NMRAL1: variants seen among roughly 807,000 people sequenced by gnomAD.
NMRAL1 encodes the protein nmrA-like family domain-containing protein 1.
A neutral mutation model predicts 27.5 loss-of-function variants in NMRAL1; 32 were observed. That is an observed-to-expected ratio of 1.16 (90% CI 0.88 to 1.56). The LOEUF (loss-of-function observed/expected upper bound fraction) is 1.56, where lower values mean the gene tolerates loss of function less well. Ranked by LOEUF, NMRAL1 falls within the 40% of genes most tolerant of loss-of-function variation. The pLI, the probability that NMRAL1 is intolerant of heterozygous loss-of-function variation, is 0.00. For missense variants in NMRAL1, 420 were observed against 392.0 expected, an observed-to-expected ratio of 1.07 and a Z score of -0.60; for synonymous variants, 166 against 166.8, an observed-to-expected ratio of 1.00 and a Z score of 0.04.
At chr16:4,469,866 T>TA (rs776897364) in intron 2 of NMRAL1, among the ~76,000 whole-genome samples, 10,274 of 97,624 alleles carry the variant, frequency 0.11, 726 homozygotes, top group African/African-American at 0.23. Context: ...GAATCTGTAT[T>TA]AAAAAAAAAA....
Position 4,469,345 on chromosome 16 carries a change from A to G in NMRAL1, c.161T>C (p.Val54Ala), listed in dbSNP as rs756530459. 1.7e-5 allele frequency: 27 copies of G among 1,613,942 alleles called. No individual in the cohort carries two copies. The highest frequency in any genetic ancestry group is 2.2e-5 in the Non-Finnish European group (26 of 1,179,938). The change falls in exon 3 of 6, where the codon GTA (valine) becomes GCA (alanine). Residue 54 changes from valine to alanine, a missense_variant. By Grantham distance (64) the Val-to-Ala change is moderately conservative. Coordinates refer to ENST00000283429, the MANE Select transcript of NMRAL1 (RefSeq NM_020677.6). ...AKELRLQGAE[V>A]VQGDQDDQVI... ...CTGGTCATCTTGGTCTCCCTGCACT[A>G]CTTCTGCACCTTGCAGCCTCAGCTC...
intron 2 of NMRAL1, chr16:4,471,383 G>A (rs2057558443): frequency 6.6e-6 from 1 of 151,984 alleles, no homozygotes; most frequent in Admixed American, 6.6e-5. Context: ...TTGGGAGGCT[G>A]AGGCACGCAG....
chr16:4,463,281 G>A (rs762606085), intron 5 of NMRAL1: 86 of 284,596 alleles, frequency 3.0e-4, no homozygotes, highest in Non-Finnish European at 4.6e-4. Flanking sequence ...GGCAGGGGTC[G>A]GCCCTATCTT....
intron 3 of NMRAL1, among the ~76,000 whole-genome samples, chr16:4,467,830 G>A (rs528377210): frequency 2.6e-5 from 4 of 151,832 alleles, no homozygotes; most frequent in East Asian, 2.0e-4. Flanking sequence ...GTGTTGGCCA[G>A]GATGGTCTCA....
upstream of NMRAL1, chr16:4,476,170 C>G (rs917604154): frequency 2.0e-5 from 3 of 152,282 alleles, no homozygotes; most frequent in African/African-American, 7.2e-5. Context: ...GTGCTCAACC[C>G]TGAGGCACCC....
Position 4,469,414 on chromosome 16 carries a change from T to G in NMRAL1, c.92A>C (p.Lys31Thr), listed in dbSNP as rs373098518. 1.9e-6 allele frequency: 3 copies of G among 1,614,014 alleles called. No individual in the cohort carries two copies. In the African/African-American group the frequency reaches 4.0e-5, roughly 22 times the overall value. ...AGGGTTTCGGGTCACCACTCGAACC[T>G]TGAATGTCCCATCTTCCAGGAGTGT... ...ARTLLEDGTF[K>T]VRVVTRNPRK... Residue 31 changes from lysine to threonine, a missense_variant, in exon 3 of 6, where the codon AAG becomes ACG. Coordinates refer to ENST00000283429, the MANE Select transcript of NMRAL1 (RefSeq NM_020677.6).
rs143432200 is a variant in NMRAL1, at chr16:4,466,255, T to A, written c.427A>T (p.Ile143Phe). The change falls in exon 4 of 6, where the codon ATT becomes TTT. Residue 143 changes from isoleucine (I) to phenylalanine (F), a missense_variant. By Grantham distance (21) the Ile-to-Phe change is conservative. Transcript: ENST00000283429. ...CGCACACTGGTCATGGGAACGCCAA[T>A]GTCCCGGAAATATTCCTCCACCTCC... ...KGEVEEYFRDIGVPMTSVRLP... is the reference protein window; with the variant it reads ...KGEVEEYFRDFGVPMTSVRLP... The A allele has an allele frequency of 9.3e-6, 15 of 1,613,996 alleles. No homozygotes were observed. The African/African-American group carries it at 1.7e-4, about 19-fold the overall frequency.
Position 4,466,272 on chromosome 16 carries a change from T to C in NMRAL1, c.410A>G (p.Glu137Gly). 6.2e-7 allele frequency: 1 copy of C among 1,614,050 alleles called. No homozygotes were observed. Among genetic ancestry groups the C allele is most frequent in the Non-Finnish European group, 8.5e-7 (1 of 1,180,028 alleles). The part of the protein sequence containing the change: ...AAHFDGKGEV[E>G]EYFRDIGVPM... ...AACGCCAATGTCCCGGAAATATTCC[T>C]CCACCTCCCCTTTGCCGTCAAAGTG... Residue 137 changes from glutamate to glycine, a missense_variant, in exon 4 of 6, where the codon GAG (glutamate) becomes GGG (glycine). Transcript: ENST00000283429.
intron 2 of NMRAL1, among the ~76,000 whole-genome samples, chr16:4,470,743 C>G (rs960479389): frequency 2.6e-5 from 4 of 151,792 alleles, no homozygotes; most frequent in Admixed American, 1.3e-4. Flanking sequence ...GTCAGGAGAT[C>G]GAGACCATCC....
intron 3 of NMRAL1, among the ~76,000 whole-genome samples, chr16:4,468,621 A>C (rs1391611436): frequency 4.1e-5 from 1 of 24,556 alleles, no homozygotes; most frequent in Non-Finnish European, 2.0e-4. Context: ...GTCTCAAAAA[A>C]AAAAAAAAAA....
chr16:4,469,646 A>G lies in NMRAL1; in HGVS notation c.41-181T>C, dbSNP rs746065195. ...TTTTTTTGAGATGGAGTCTCACTCTATCACCCAGGCTGAAGTGCAGTGGCA... is the reference window on the plus strand; with the variant it reads ...TTTTTTTGAGATGGAGTCTCACTCTGTCACCCAGGCTGAAGTGCAGTGGCA... On this transcript the variant is annotated intron_variant, in intron 2 of 5. Transcript: ENST00000283429. 112 of 1,288,888 alleles carry G rather than the reference A, an allele frequency of 8.7e-5. 1 individual carries two copies. The highest frequency in any genetic ancestry group is 1.1e-4 in the South Asian group (7 of 63,650). The allele number at this position is 1,288,888 out of a possible 1,614,324, so 79.8% of individuals were successfully genotyped here. A position where few individuals can be genotyped will look rare whatever the true frequency, so the allele number is the denominator to read the frequency against.
At chr16:4,462,108 T>G in intron 5 of NMRAL1, 149 bp from the exon 6 acceptor site, 2 of 652,418 alleles carry the variant, frequency 3.1e-6, no homozygotes, top group Admixed American at 5.8e-5. Flanking sequence ...CCGTACAAGG[T>G]CATTTGAAAA....
In NMRAL1 at chr16:4,466,385, A is replaced by C. The variant is rs138297332; in HGVS notation, c.297T>G (p.Asp99Glu). The change falls in exon 4 of 6, where the codon GAT (aspartate) becomes GAG (glutamate). Residue 99 changes from aspartate (D) to glutamate (E), a missense_variant. Asp to Glu is a conservative substitution (Grantham distance 45). Coordinates refer to ENST00000283429, the MANE Select transcript of NMRAL1 (RefSeq NM_020677.6). ...QEVKQGKLLA[D>E]LARRLGLHYV... ...AGTGGAGGCCCAGGCGCCTGGCCAG[A>C]TCAGCGAGCAGCTTCCCCTGGAGGG... is the stretch of plus-strand genomic sequence containing the variant. 27 of 1,612,428 alleles carry C rather than the reference A, an allele frequency of 1.7e-5. No individual in the cohort carries two copies. Among genetic ancestry groups the C allele is most frequent in the Non-Finnish European group, 2.3e-5 (27 of 1,179,782 alleles).
Position 4,463,721 on chromosome 16 carries a change from G to GTGTGCC in NMRAL1, c.653_658dup (p.Arg218_His219dup). 1 of 1,614,034 alleles carries GTGTGCC rather than the reference G, an allele frequency of 6.2e-7. No individual in the cohort carries two copies. On this transcript the variant is annotated inframe_insertion, in exon 5 of 6. Transcript: ENST00000283429. ...GAGCAGGGCAGCGTACTCCTCGGCC[G>GTGTGCC]TGTGCCTGCAAGTGCTCAGCCCGAT...
chr16:4,472,617 G>A (rs1319291847), intron 2 of NMRAL1, among the ~76,000 whole-genome samples: 2 of 151,628 alleles, frequency 1.3e-5, no homozygotes, highest in African/African-American at 4.9e-5. Context: ...GGTGGCTCAC[G>A]CCTGTAGTCC....
At chr16:4,468,831 C>G (rs1260273124) in intron 3 of NMRAL1, among the ~76,000 whole-genome samples, 1 of 151,844 alleles carries the variant, frequency 6.6e-6, no homozygotes, top group African/African-American at 2.4e-5. Flanking sequence ...GGTACTGTGC[C>G]CACTACCTGG....
intron 2 of NMRAL1, chr16:4,469,814 C>A: frequency 4.0e-6 from 1 of 250,964 alleles, no homozygotes; most frequent in Admixed American, 5.0e-5. Context: ...TTGCAGTGAG[C>A]TGAGATTGCG....
chr16:4,466,542 C>T lies in NMRAL1; in HGVS notation c.280-140G>A, dbSNP rs2057337043. 5 of 749,624 alleles carry T rather than the reference C, an allele frequency of 6.7e-6. No homozygotes were observed. The South Asian group carries it at 9.0e-5, about 13-fold the overall frequency. 46.4% of individuals were successfully genotyped at this position (749,624 alleles called of 1,614,324 possible). ...CCCCACTTACCCTTGAGGAGGCCCCCTCTCCTGGAATGATGTTCACACATG... is the reference window on the plus strand; with the variant it reads ...CCCCACTTACCCTTGAGGAGGCCCCTTCTCCTGGAATGATGTTCACACATG... On this transcript the variant is annotated intron_variant, in intron 3 of 5. Transcript: ENST00000283429.
chr16:4,470,480 A>G (rs139952177), intron 2 of NMRAL1, among the ~76,000 whole-genome samples: 34 of 152,052 alleles, frequency 2.2e-4, no homozygotes, highest in African/African-American at 7.5e-4. Flanking sequence ...CAAAAAAATA[A>G]AGGTAAAAAT....
Sources: allele counts gnomAD v4.1 joint callset (sites outside exome capture counted in the v4.1 genomes callset), GRCh38; gene constraint gnomAD v4.1.1; transcripts MANE v1.5; gene names NCBI Gene and HGNC (gene_info 2026-07-23, HGNC 2026-07-21).